The following HS3ST4 variants were observed in gnomAD, a reference collection of about 807,000 sequenced individuals.
HS3ST4 encodes the protein heparan sulfate glucosamine 3-O-sulfotransferase 4.
In HS3ST4, 17 loss-of-function variants were observed where a neutral mutation model predicts 29.2. The ratio of observed to expected loss-of-function variants is 0.58; its 90% CI spans 0.40 to 0.87. HS3ST4 has a LOEUF of 0.87. Among genes scored for constraint, HS3ST4 ranks in the 40% least tolerant of loss-of-function variants. The pLI, the probability that HS3ST4 is intolerant of heterozygous loss-of-function variation, is 0.00. For synonymous variants in HS3ST4, 314 were observed against 285.7 expected (o/e 1.10, Z -1.00); for missense variants, 627 against 634.5 (o/e 0.99, Z 0.13).
chr16:25,860,022 G>A (rs971500962), intron 1 of HS3ST4, among the ~76,000 whole-genome samples: 8 of 152,172 alleles, frequency 5.3e-5, no homozygotes, highest in Non-Finnish European at 1.2e-4. Context: ...AACTGTGCAT[G>A]CGAGGGATCT....
chr16:26,033,139 G>A (rs1969548236), intron 1 of HS3ST4, among the ~76,000 whole-genome samples: 1 of 152,164 alleles, frequency 6.6e-6, no homozygotes, highest in Non-Finnish European at 1.5e-5. Flanking sequence ...AGAATTTTGG[G>A]AGGCCATGGT....
chr16:26,113,161 A>T (rs978038805), intron 1 of HS3ST4, among the ~76,000 whole-genome samples: 4 of 152,240 alleles, frequency 2.6e-5, no homozygotes, highest in Admixed American at 1.3e-4. Context: ...TTAAATTTAC[A>T]GAAGACTAAG....
intron 1 of HS3ST4, among the ~76,000 whole-genome samples, chr16:25,818,960 C>G (rs906096318): frequency 1.3e-5 from 2 of 152,096 alleles, no homozygotes; most frequent in Non-Finnish European, 2.9e-5. Context: ...TGGGTGCAAA[C>G]TTGTCAGGCA....
At chr16:25,817,394 G>A (rs1030292933) in intron 1 of HS3ST4, among the ~76,000 whole-genome samples, 2 of 152,188 alleles carry the variant, frequency 1.3e-5, no homozygotes, top group Non-Finnish European at 2.9e-5. Context: ...GGTTTTGAGG[G>A]TCATACAACC....
At chr16:26,001,234 G>C (rs1237614571) in intron 1 of HS3ST4, among the ~76,000 whole-genome samples, 1 of 152,078 alleles carries the variant, frequency 6.6e-6, no homozygotes, top group African/African-American at 2.4e-5. Flanking sequence ...TTATATAAAA[G>C]CATCTCATTC....
chr16:25,860,088 C>T lies in HS3ST4; in HGVS notation c.734+166937C>T, dbSNP rs371261056. 1.4e-4 allele frequency among the ~76,000 whole-genome samples: 22 copies of T among 152,278 alleles called. 1 individual carries two copies. The highest frequency in any genetic ancestry group is 4.6e-4 in the African/African-American group (19 of 41,552). On this transcript the variant is annotated intron_variant, in intron 1 of 1. Transcript: ENST00000331351. ...GACCTGAGGTGGAACAGTTTCATCC[C>T]GAAACCATCCTCCTACCCCATTCCT...
rs554938449 is a variant in HS3ST4, at chr16:26,011,853, T to A, written c.735-123759T>A. On this transcript the variant is annotated intron_variant, in intron 1 of 1. Transcript: ENST00000331351. ...GGAATACTAGGAAGGATATATGAGG[T>A]TGAGATCTATGTCACAGAAATGAGG... Among the ~76,000 whole-genome samples, 43 of 152,024 alleles carry A rather than the reference T, an allele frequency of 2.8e-4. No individual in the cohort carries two copies. The South Asian group carries it at 8.7e-3, about 31-fold the overall frequency.
At chr16:25,825,751 C>G (rs780997141) in intron 1 of HS3ST4, 2 of 152,202 alleles carry the variant, frequency 1.3e-5, no homozygotes, top group Non-Finnish European at 2.9e-5. Flanking sequence ...CAGAGCCACT[C>G]TAGGATTTGG....
intron 1 of HS3ST4, among the ~76,000 whole-genome samples, chr16:26,127,611 G>A (rs976799389): frequency 1.3e-5 from 2 of 152,178 alleles, no homozygotes; most frequent in Non-Finnish European, 2.9e-5. Context: ...ATGGGGTTAA[G>A]GAGCATTGGC....
chr16:26,029,120 A>G (rs1359627381), intron 1 of HS3ST4: 1 of 152,198 alleles, frequency 6.6e-6, no homozygotes, highest in Non-Finnish European at 1.5e-5. Context: ...GAATTCTGAG[A>G]ATTTGGTCAA....
chr16:25,952,858 C>T (rs563787823), intron 1 of HS3ST4, among the ~76,000 whole-genome samples: 7 of 152,198 alleles, frequency 4.6e-5, no homozygotes, highest in African/African-American at 1.4e-4. Context: ...CCTTAAACCT[C>T]CCCACTTCCC....
chr16:25,766,019 T>C (rs1966816833), intron 1 of HS3ST4, among the ~76,000 whole-genome samples: 1 of 151,946 alleles, frequency 6.6e-6, no homozygotes, highest in Non-Finnish European at 1.5e-5. Flanking sequence ...AAGTCGGAAA[T>C]CCCAGAATGA....
At chr16:26,034,268 C>T (rs1325021666) in intron 1 of HS3ST4, among the ~76,000 whole-genome samples, 1 of 152,112 alleles carries the variant, frequency 6.6e-6, no homozygotes, top group Non-Finnish European at 1.5e-5. Context: ...TGCCCAGTGA[C>T]CCAGGCAGCA....
intron 1 of HS3ST4, among the ~76,000 whole-genome samples, chr16:25,937,887 C>T (rs55878075): frequency 0.079 from 12,076 of 152,178 alleles, 525 homozygotes; most frequent in South Asian, 0.14. Flanking sequence ...CCCAAAGTTA[C>T]CTAGTGAAGA....
Position 25,698,268 on chromosome 16 carries a change from C to T in HS3ST4, c.734+5117C>T, listed in dbSNP as rs1319349441. Among the ~76,000 whole-genome samples the T allele has an allele frequency of 2.6e-5, 4 of 152,070 alleles. No homozygotes were observed. In the East Asian group the frequency reaches 5.8e-4, roughly 22 times the overall value. Reference sequence around the variant, plus strand: ...TATTAAGTAGAATGATTAGGGAAAACCTCTCTTTGGAGGTGATGTAAATGG... The same window carrying T: ...TATTAAGTAGAATGATTAGGGAAAATCTCTCTTTGGAGGTGATGTAAATGG... On this transcript the variant is annotated intron_variant, in intron 1 of 1. Transcript: ENST00000331351.
At chr16:25,976,147 G>A (rs983793208) in intron 1 of HS3ST4, among the ~76,000 whole-genome samples, 1 of 152,142 alleles carries the variant, frequency 6.6e-6, no homozygotes, top group African/African-American at 2.4e-5. Context: ...TTAAACATTT[G>A]TCCAGTATTA....
At chr16:25,941,721 C>A (rs1968574117) in intron 1 of HS3ST4, among the ~76,000 whole-genome samples, 1 of 151,990 alleles carries the variant, frequency 6.6e-6, no homozygotes, top group Non-Finnish European at 1.5e-5. Flanking sequence ...AGATTACAGG[C>A]ACACGCCACC....
chr16:26,059,096 G>A (rs187428714), intron 1 of HS3ST4, among the ~76,000 whole-genome samples: 119 of 152,228 alleles, frequency 7.8e-4, no homozygotes, highest in South Asian at 2.3e-3. Flanking sequence ...CCAAAGAAGC[G>A]ATCCTAAGCC....
At chr16:25,978,942 G>GGTTT (rs1968973282) in intron 1 of HS3ST4, among the ~76,000 whole-genome samples, 1 of 132,282 alleles carries the variant, frequency 7.6e-6, no homozygotes, top group East Asian at 2.2e-4. Context: ...TTCTCTTTTT[G>GGTTT]TTTTTTTTTT....
Sources: gnomAD v4.1 joint callset for allele counts (sites outside exome capture counted in the v4.1 genomes callset) on GRCh38, gnomAD v4.1.1 for gene constraint, MANE v1.5 for transcripts, NCBI Gene and HGNC (gene_info 2026-07-23, HGNC 2026-07-21) for gene names.